Variants in OXNAD1 observed in about 807,000 individuals in gnomAD.
OXNAD1 encodes oxidoreductase NAD binding domain containing 1, also known as oxidoreductase NAD-binding domain-containing protein 1.
Under a neutral mutation model 32.9 loss-of-function variants are expected in OXNAD1, and 34 were observed. The ratio of observed to expected loss-of-function variants is 1.03; its 90% confidence interval spans 0.79 to 1.38. The LOEUF (loss-of-function observed/expected upper bound fraction) is 1.38, where lower values mean the gene tolerates loss of function less well. Ranked by LOEUF, OXNAD1 falls within the 40% of genes most tolerant of loss-of-function variation. The pLI, the probability that OXNAD1 is intolerant of heterozygous loss-of-function variation, is 0.00. For missense variants in OXNAD1, 407 were observed against 379.4 expected (o/e 1.07, Z -0.60); for synonymous variants, 134 against 135.2 (o/e 0.99, Z 0.06).
Position 16,316,704 on chromosome 3 carries a change from G to C in OXNAD1, c.*30+13112G>C, listed in dbSNP as rs2068427924. On this transcript the variant is annotated intron_variant, in intron 9 of 9. Coordinates refer to the OXNAD1 transcript ENST00000435829. This position sits in a 1 kb window ranked among gnomAD's most constrained non-coding sequence, Gnocchi z 4.5. ...GAGGGCTCAGGTGAGCTCACAAGGA[G>C]AGGTCAAGCCAAGCCAAAGGGTAGG... The C allele has an allele frequency of 8.8e-7, 1 of 1,138,810 alleles. No individual in the cohort carries two copies. The allele number at this position is 1,138,810 out of a possible 1,614,324, so 70.5% of individuals were successfully genotyped here.
exon 10 of OXNAD1, chr3:16,350,019 C>G (rs1164303095): frequency 7.0e-6 from 1 of 143,264 alleles, no homozygotes; most frequent in Non-Finnish European, 1.6e-5. Flanking sequence ...TACTCTTCTA[C>G]TGAGTGGAAT....
At chr3:16,268,602 A>G (rs2064720932) in intron 1 of OXNAD1, among the ~76,000 whole-genome samples, 1 of 152,106 alleles carries the variant, frequency 6.6e-6, no homozygotes. Flanking sequence ...AAGTGCTGGG[A>G]TTACAGATAT....
At chr3:16,325,565 G>A (rs1165633343) in intron 9 of OXNAD1, among the ~76,000 whole-genome samples, 2 of 152,190 alleles carry the variant, frequency 1.3e-5, no homozygotes, top group Non-Finnish European at 2.9e-5. Context: ...GTGGCAGACT[G>A]AAGACTTGGG....
chr3:16,339,907 T>G (rs564625186), downstream of OXNAD1: 9 of 152,272 alleles, frequency 5.9e-5, no homozygotes, highest in Non-Finnish European at 1.0e-4. Flanking sequence ...TGTCTTGTAC[T>G]CTCAAAGTCT....
At chr3:16,276,987 C>T (rs1166943467) in intron 4 of OXNAD1, among the ~76,000 whole-genome samples, 5 of 149,910 alleles carry the variant, frequency 3.3e-5, no homozygotes, top group Non-Finnish European at 7.4e-5. Context: ...CGCAATGGTG[C>T]GATCTTGGCT....
chr3:16,271,069 C>G lies in OXNAD1; in HGVS notation c.117C>G (p.Thr39=). The G allele has an allele frequency of 6.2e-7, 1 of 1,613,728 alleles. No individual in the cohort carries two copies. Among genetic ancestry groups the G allele is most frequent in the South Asian group, 1.1e-5 (1 of 90,994 alleles). The part of the protein sequence containing the change: ...TLSTLRHLTL[T]SIMKSKRKTD... The stretch of plus-strand genomic sequence containing the variant: ...GCACTTTGCGCCACCTTACTCTAAC[C>G]AGGTGAGTCATTAAGACTTCTGTGT... Residue 39 remains threonine, a splice_region_variant and synonymous_variant, in exon 3 of 9, where the codon ACC becomes ACG. Coordinates refer to ENST00000285083, the MANE Select transcript of OXNAD1 (RefSeq NM_138381.5). The surrounding 1 kb of genome is among the most constrained non-coding windows in gnomAD (Gnocchi z 4.6).
intron 9 of OXNAD1, among the ~76,000 whole-genome samples, chr3:16,331,285 T>C (rs1433415973): frequency 2.0e-5 from 3 of 152,240 alleles, no homozygotes; most frequent in Non-Finnish European, 4.4e-5. Context: ...CTACTCTTAT[T>C]TTACTTATCA....
At chr3:16,307,364 CAGGT>C (rs1364338722), downstream of OXNAD1, among the ~76,000 whole-genome samples, 21 of 152,208 alleles carry the variant, frequency 1.4e-4, no homozygotes, top group Middle Eastern at 3.4e-3. Flanking sequence ...CTCTAATAAA[CAGGT>C]AGGAGGAAAA....
At chr3:16,347,229 G>A (rs2071784882) in intron 9 of OXNAD1, among the ~76,000 whole-genome samples, 2 of 152,162 alleles carry the variant, frequency 1.3e-5, no homozygotes, top group South Asian at 2.1e-4. Context: ...CTTTTCACAT[G>A]CAAACATACT....
chr3:16,330,191 C>CCAT (rs1314629277), intron 9 of OXNAD1, among the ~76,000 whole-genome samples: 1 of 152,136 alleles, frequency 6.6e-6, no homozygotes, highest in Non-Finnish European at 1.5e-5. Context: ...TAATTTCTGG[C>CCAT]CATCACATGG....
intron 6 of OXNAD1, among the ~76,000 whole-genome samples, chr3:16,296,428 A>G (rs560886328): frequency 1.1e-4 from 16 of 152,362 alleles, no homozygotes; most frequent in African/African-American, 3.4e-4. Context: ...TAACATAACA[A>G]TAATCAAAAT....
downstream of OXNAD1, among the ~76,000 whole-genome samples, chr3:16,351,981 TTA>T (rs2072135134): frequency 6.6e-6 from 1 of 152,206 alleles, no homozygotes; most frequent in Non-Finnish European, 1.5e-5. The surrounding 1 kb of genome is among the most constrained non-coding windows in gnomAD (Gnocchi z 5.4). Flanking sequence ...TGGGTGTGGT[TTA>T]TATGAGAAAG....
intron 9 of OXNAD1, among the ~76,000 whole-genome samples, chr3:16,343,630 A>G (rs1242911439): frequency 2.6e-5 from 4 of 152,232 alleles, no homozygotes; most frequent in Non-Finnish European, 5.9e-5. Flanking sequence ...GAAGTCCTTC[A>G]TGCATGTGTT....
At position 16,298,907 on chromosome 3, in the gene OXNAD1, G is replaced by A. The variant is rs143892473; in HGVS notation, c.433-2719G>A. Among the ~76,000 whole-genome samples, 46 of 152,218 alleles carry A rather than the reference G, an allele frequency of 3.0e-4. No homozygotes were observed. The highest frequency in any genetic ancestry group is 1.1e-3 in the African/African-American group (45 of 41,538). ...GTACAGTACTTTGAGTCTTGTGTTCGTGTTACCCTCGCAGTTTTTATTGAT... is the reference window on the plus strand; with the variant it reads ...GTACAGTACTTTGAGTCTTGTGTTCATGTTACCCTCGCAGTTTTTATTGAT... On this transcript the variant is annotated intron_variant, in intron 6 of 8. Coordinates refer to ENST00000285083, the MANE Select transcript of OXNAD1 (RefSeq NM_138381.5). The surrounding 1 kb of genome is among the most constrained non-coding windows in gnomAD (Gnocchi z 5.1).
chr3:16,318,708 T>A (rs1198844005), intron 9 of OXNAD1, among the ~76,000 whole-genome samples: 3 of 152,172 alleles, frequency 2.0e-5, no homozygotes, highest in African/African-American at 4.8e-5. Context: ...GAGGTTAGGA[T>A]TTAACATTTA....
intron 4 of OXNAD1, among the ~76,000 whole-genome samples, chr3:16,283,913 A>C (rs1165329923): frequency 6.6e-6 from 1 of 152,156 alleles, no homozygotes; most frequent in East Asian, 1.9e-4. Flanking sequence ...CTGGACATTG[A>C]GTTTGGTTGT....
At chr3:16,313,204 G>GTTTTTTTTTTTTTTT (rs2068092292) in intron 9 of OXNAD1, among the ~76,000 whole-genome samples, 9 of 96,160 alleles carry the variant, frequency 9.4e-5, no homozygotes, top group African/African-American at 3.7e-4. Flanking sequence ...ACACCCAGCG[G>GTTTTTTTTTTTTTTT]ATTTTTTTTT....
chr3:16,294,343 C>T (rs2066623269), intron 5 of OXNAD1, among the ~76,000 whole-genome samples: 1 of 152,124 alleles, frequency 6.6e-6, no homozygotes, highest in Admixed American at 6.6e-5. Context: ...GCTGGGATTA[C>T]AGGCATGCGT....
chr3:16,339,131 A>T (rs2071128724), downstream of OXNAD1, among the ~76,000 whole-genome samples: 1 of 152,244 alleles, frequency 6.6e-6, no homozygotes, highest in Non-Finnish European at 1.5e-5. Context: ...ATTGGGTAAG[A>T]CATGGGATTT....
Sources: gnomAD v4.1 joint callset for allele counts (sites outside exome capture counted in the v4.1 genomes callset) on GRCh38, gnomAD v4.1.1 for gene constraint, Gnocchi (gnomAD v3.1) non-coding constraint, MANE v1.5 for transcripts, NCBI Gene and HGNC (gene_info 2026-07-23, HGNC 2026-07-21) for gene names.